Variants in PCED1B observed in about 807,000 individuals in gnomAD.
PCED1B encodes the protein PC-esterase domain containing 1B.
For missense variants in PCED1B, 573 were observed against 573.9 expected (o/e 1.00, Z 0.02); for synonymous variants, 251 against 246.1 (o/e 1.02, Z -0.19).
At chr12:47,175,328 AT>A (rs1361388451) in intron 2 of PCED1B, among the ~76,000 whole-genome samples, 2 of 152,210 alleles carry the variant, frequency 1.3e-5, no homozygotes, top group East Asian at 3.8e-4. Flanking sequence ...TTTTGGACTC[AT>A]GTTAATTTGG....
chr12:47,141,687 TCAAAGAGCCCTGTAACTTGACTC>T (rs1178038919), intron 2 of PCED1B, among the ~76,000 whole-genome samples: 3 of 152,120 alleles, frequency 2.0e-5, no homozygotes, highest in African/African-American at 7.2e-5. Context: ...CAGCATACCT[TCAAAGAGCCCTGTAACTTGACTC>T]CAGGCCCTCT....
intron 2 of PCED1B, among the ~76,000 whole-genome samples, chr12:47,162,040 A>C (rs143018640): frequency 6.6e-6 from 1 of 150,664 alleles, no homozygotes; most frequent in East Asian, 2.0e-4. Flanking sequence ...GCATGTTCTC[A>C]CTCATAGGTT....
chr12:47,123,176 A>T (rs1459298375), intron 2 of PCED1B, among the ~76,000 whole-genome samples: 1 of 152,228 alleles, frequency 6.6e-6, no homozygotes, highest in South Asian at 2.1e-4. Flanking sequence ...CTTTGATAGC[A>T]GTCACATTGA....
At chr12:47,127,369 C>CTTTTTTTTTTT (rs34788645) in intron 2 of PCED1B, among the ~76,000 whole-genome samples, 1 of 128,872 alleles carries the variant, frequency 7.8e-6, no homozygotes, top group Non-Finnish European at 1.6e-5. Context: ...TTTTTTATTT[C>CTTTTTTTTTTT]TTTTTTTTTT....
intron 2 of PCED1B, among the ~76,000 whole-genome samples, chr12:47,123,868 C>T (rs138143697): frequency 4.5e-4 from 68 of 152,034 alleles, no homozygotes; most frequent in Middle Eastern, 6.8e-3. Context: ...ATTAAGTATC[C>T]TCTGAAAACA....
Position 47,184,266 on chromosome 12 carries a change from C to T in PCED1B, c.-525-31956C>T, listed in dbSNP as rs74086376. The stretch of plus-strand genomic sequence containing the variant: ...GTGAGCTGTACCTTGCATGCTTACC[C>T]TCTGGCTACTTGCAAGAGGCAGGCT... On this transcript the variant is annotated intron_variant, in intron 2 of 3. Transcript: ENST00000546455. Among the ~76,000 whole-genome samples, 432 of 152,290 alleles carry T rather than the reference C, an allele frequency of 2.8e-3. 4 individuals carry two copies. Among genetic ancestry groups the T allele is most frequent in the African/African-American group, 9.9e-3 (413 of 41,560 alleles).
intron 2 of PCED1B, among the ~76,000 whole-genome samples, chr12:47,201,035 TAA>T (rs1187993003): frequency 6.6e-6 from 1 of 152,158 alleles, no homozygotes; most frequent in Non-Finnish European, 1.5e-5. Flanking sequence ...TGAGACGAGT[TAA>T]GAGTCCCTTT....
Position 47,103,991 on chromosome 12 carries a change from G to A in PCED1B, c.-608-122G>A, listed in dbSNP as rs151069493. 5.3e-5 allele frequency: 8 copies of A among 152,306 alleles called. No individual in the cohort carries two copies. In the East Asian group the frequency reaches 1.3e-3, roughly 26 times the overall value. 9.4% of individuals were successfully genotyped at this position (152,306 alleles called of 1,614,324 possible). A position where few individuals can be genotyped will look rare whatever the true frequency, so the allele number is the denominator to read the frequency against. ...CTGCTTAAACTGACTTGAGGTTTTA[G>A]TGATTATCACATCCATGCAGCCTGA... On this transcript the variant is annotated intron_variant, in intron 1 of 3. Coordinates refer to ENST00000546455, the MANE Select transcript of PCED1B (RefSeq NM_138371.3).
chr12:47,214,535 C>T (rs12819627), intron 2 of PCED1B, among the ~76,000 whole-genome samples: 7,845 of 151,936 alleles, frequency 0.052, 265 homozygotes, highest in African/African-American at 0.089. Flanking sequence ...TGGCCAGGCT[C>T]GGTGGCTCAT....
chr12:47,216,105 G>A (rs1943252953), intron 2 of PCED1B, 117 bp from the exon 3 acceptor site: 2 of 152,096 alleles, frequency 1.3e-5, no homozygotes, highest in African/African-American at 2.4e-5. Context: ...GTAACACCTT[G>A]CACAGAAACA....
At chr12:47,209,432 G>A (rs1943011482) in intron 2 of PCED1B, 1 of 152,210 alleles carries the variant, frequency 6.6e-6, no homozygotes. Context: ...TTTGCCGTGA[G>A]CCAAGATCAT....
chr12:47,087,968 C>T (rs892768533), intron 1 of PCED1B, among the ~76,000 whole-genome samples: 3 of 152,232 alleles, frequency 2.0e-5, no homozygotes, highest in Admixed American at 1.3e-4. Flanking sequence ...AATAAAGAAT[C>T]AAATCCCTGG....
chr12:47,218,597 C>T (rs1943375316), intron 3 of PCED1B, among the ~76,000 whole-genome samples: 1 of 152,186 alleles, frequency 6.6e-6, no homozygotes, highest in Admixed American at 6.5e-5. Context: ...TATCCTTCCA[C>T]CTCAGCCTCC....
chr12:47,091,660 G>A (rs912046208), intron 1 of PCED1B, among the ~76,000 whole-genome samples: 1 of 152,080 alleles, frequency 6.6e-6, no homozygotes, highest in African/African-American at 2.4e-5. Flanking sequence ...TACTCTAGAA[G>A]TTTTATTGTT....
chr12:47,197,171 G>A (rs1249617345), intron 2 of PCED1B, among the ~76,000 whole-genome samples: 5 of 147,902 alleles, frequency 3.4e-5, no homozygotes, highest in Non-Finnish European at 6.0e-5. Flanking sequence ...CTTGGGAGGC[G>A]GAGGTTGCAG....
intron 1 of PCED1B, among the ~76,000 whole-genome samples, chr12:47,093,636 T>A (rs1418016293): frequency 3.3e-5 from 5 of 151,964 alleles, no homozygotes; most frequent in African/African-American, 1.2e-4. Flanking sequence ...TTTTCAAATG[T>A]GATTTTTATT....
chr12:47,170,401 T>C (rs1941687619), intron 2 of PCED1B, among the ~76,000 whole-genome samples: 3 of 152,176 alleles, frequency 2.0e-5, no homozygotes, highest in South Asian at 2.1e-4. Flanking sequence ...CAATGAGCTG[T>C]TGGGTACACC....
intron 2 of PCED1B, among the ~76,000 whole-genome samples, chr12:47,164,656 G>A (rs1941488051): frequency 6.6e-6 from 1 of 152,214 alleles, no homozygotes; most frequent in African/African-American, 2.4e-5. Flanking sequence ...GCCCCTGTGG[G>A]AGCTCCTCTG....
chr12:47,157,453 G>T (rs1941230684), intron 2 of PCED1B, among the ~76,000 whole-genome samples: 1 of 152,204 alleles, frequency 6.6e-6, no homozygotes. Flanking sequence ...GGCCAGGCAT[G>T]GTTGTGTGTG....
Sources: gnomAD v4.1 joint callset for allele counts (sites outside exome capture counted in the v4.1 genomes callset) on GRCh38, gnomAD v4.1.1 for gene constraint, MANE v1.5 for transcripts, NCBI Gene and HGNC (gene_info 2026-07-23, HGNC 2026-07-21) for gene names.